Variants in SBF2 observed in about 807,000 individuals in gnomAD.
SBF2 encodes myotubularin-related protein 13.
SBF2 carries 112 observed loss-of-function variants against 225.2 expected under a neutral mutation model. The ratio of observed to expected loss-of-function variants is 0.50; its 90% CI spans 0.43 to 0.58. SBF2 has a LOEUF of 0.58. Ranked by LOEUF, SBF2 falls within the 20% of genes least tolerant of loss-of-function variation. The pLI, the probability that SBF2 is intolerant of heterozygous loss-of-function variation, is 0.00. For missense variants in SBF2, 1,996 were observed against 2,206.2 expected, an observed-to-expected ratio of 0.90 and a Z score of 1.91; for synonymous variants, 763 against 773.3, an observed-to-expected ratio of 0.99 and a Z score of 0.22.
At chr11:10,057,647 T>A (rs1349415061) in intron 2 of SBF2, among the ~76,000 whole-genome samples, 2 of 152,170 alleles carry the variant, frequency 1.3e-5, no homozygotes, top group Non-Finnish European at 2.9e-5. Context: ...CTGCTGCCTC[T>A]AAGCTGAGGA....
intron 16 of SBF2, among the ~76,000 whole-genome samples, chr11:9,900,713 T>C (rs1335928779): frequency 3.3e-5 from 5 of 152,162 alleles, no homozygotes; most frequent in Non-Finnish European, 7.4e-5. Context: ...TGAAACTTTA[T>C]TTATAACAAA....
intron 31 of SBF2, 92 bp from the exon 32 acceptor site, chr11:9,808,277 T>C: frequency 9.0e-7 from 1 of 1,106,768 alleles, no homozygotes; most frequent in Admixed American, 2.0e-5. Context: ...TGATAGCTAA[T>C]TCACAAATTT....
intron 9 of SBF2, among the ~76,000 whole-genome samples, chr11:9,994,592 A>G (rs946245109): frequency 2.7e-5 from 4 of 150,428 alleles, no homozygotes; most frequent in African/African-American, 4.9e-5. Context: ...ATATATATAT[A>G]TGAAAATGAA....
At chr11:10,151,260 C>T (rs942616221) in intron 2 of SBF2, among the ~76,000 whole-genome samples, 7 of 152,290 alleles carry the variant, frequency 4.6e-5, no homozygotes, top group Non-Finnish European at 1.0e-4. Flanking sequence ...AATCCCTTGG[C>T]ATCTCTTTGC....
chr11:9,794,706 A>AAAAAAAAAAAAAC, intron 33 of SBF2, among the ~76,000 whole-genome samples: 1 of 147,110 alleles, frequency 6.8e-6, no homozygotes, highest in East Asian at 1.9e-4. Context: ...AAAAAAAAAA[A>AAAAAAAAAAAAAC]AGACCAGGCC....
intron 28 of SBF2, among the ~76,000 whole-genome samples, chr11:9,823,746 G>A (rs539541894): frequency 6.6e-6 from 1 of 152,258 alleles, no homozygotes; most frequent in African/African-American, 2.4e-5. Flanking sequence ...CAGTTCATTC[G>A]TCCTACTTTG....
chr11:9,983,134 C>T (rs961297201), intron 13 of SBF2, among the ~76,000 whole-genome samples: 6 of 152,228 alleles, frequency 3.9e-5, no homozygotes, highest in Non-Finnish European at 7.3e-5. Flanking sequence ...AGAACTAAAG[C>T]ACTTTTCTTT....
intron 1 of SBF2, among the ~76,000 whole-genome samples, chr11:10,282,770 G>A (rs1169612681): frequency 6.6e-6 from 1 of 152,070 alleles, no homozygotes; most frequent in Non-Finnish European, 1.5e-5. Flanking sequence ...ACATTTCTAT[G>A]TTGTTTCTTG....
At chr11:10,017,052 A>C (rs1442918457) in intron 6 of SBF2, 1 of 152,214 alleles carries the variant, frequency 6.6e-6, no homozygotes, top group African/African-American at 2.4e-5. Flanking sequence ...ATTTCACTAC[A>C]ATGATACATA....
At chr11:9,859,162 T>C (rs1857532367) in intron 17 of SBF2, among the ~76,000 whole-genome samples, 1 of 152,244 alleles carries the variant, frequency 6.6e-6, no homozygotes. Flanking sequence ...ATATTTAAGT[T>C]TGTTTAGTTC....
intron 11 of SBF2, 141 bp from the exon 12 acceptor site, chr11:9,992,684 C>A: frequency 2.5e-6 from 2 of 802,572 alleles, no homozygotes; most frequent in Non-Finnish European, 3.8e-6. Flanking sequence ...ATATTTCTCT[C>A]AAAGAGAGTT....
intron 17 of SBF2, among the ~76,000 whole-genome samples, chr11:9,890,486 A>G (rs1860712785): frequency 6.6e-6 from 1 of 152,230 alleles, no homozygotes; most frequent in Non-Finnish European, 1.5e-5. Context: ...TAACGCTCTT[A>G]TTCTGAAGTA....
At chr11:9,866,526 T>C (rs1046455119) in intron 17 of SBF2, among the ~76,000 whole-genome samples, 2 of 152,224 alleles carry the variant, frequency 1.3e-5, no homozygotes, top group Non-Finnish European at 2.9e-5. Context: ...GATATCCATA[T>C]GCAGGAAAAT....
At chr11:10,161,024 T>C (rs1470526784) in intron 2 of SBF2, among the ~76,000 whole-genome samples, 2 of 151,806 alleles carry the variant, frequency 1.3e-5, no homozygotes, top group African/African-American at 4.8e-5. Flanking sequence ...CCATCTCTAC[T>C]AAAAATACAA....
chr11:10,004,069 T>A (rs943945048), intron 6 of SBF2, among the ~76,000 whole-genome samples: 14 of 152,196 alleles, frequency 9.2e-5, no homozygotes, highest in Non-Finnish European at 2.1e-4. Context: ...TACATCAGAA[T>A]TTTTAGTTCA....
intron 13 of SBF2, among the ~76,000 whole-genome samples, chr11:9,985,944 T>C (rs1206176189): frequency 1.3e-5 from 2 of 152,154 alleles, no homozygotes; most frequent in Non-Finnish European, 2.9e-5. Flanking sequence ...TTAATGGATA[T>C]ATACAGAACA....
At chr11:9,945,094 A>T (rs1246029386) in intron 16 of SBF2, among the ~76,000 whole-genome samples, 1 of 152,136 alleles carries the variant, frequency 6.6e-6, no homozygotes, top group Non-Finnish European at 1.5e-5. Context: ...GACAGAGCCA[A>T]GATTCTATCT....
Position 10,196,862 on chromosome 11 carries a change from A to ATT in SBF2, c.56-2876_56-2875insAA, listed in dbSNP as rs1208099879. Among the ~76,000 whole-genome samples, 390 of 21,984 alleles carry ATT rather than the reference A, an allele frequency of 0.018. 8 individuals are homozygous for ATT. The East Asian group carries it at 0.2, about 11-fold the overall frequency. The allele number at this position is 21,984 out of a possible 152,430, so 14.4% of individuals were successfully genotyped here. A position where few individuals can be genotyped will look rare whatever the true frequency, so the allele number is the denominator to read the frequency against. On this transcript the variant is annotated intron_variant, in intron 1 of 39. Coordinates refer to ENST00000256190, the MANE Select transcript of SBF2 (RefSeq NM_030962.4). ...AATATATATATATATATATATATAT[A>ATT]TATATTTTTTTTTTCCTACAAAATG...
intron 2 of SBF2, among the ~76,000 whole-genome samples, chr11:10,104,088 G>GAA (rs760922615): frequency 7.4e-5 from 9 of 122,042 alleles, no homozygotes; most frequent in Non-Finnish European, 1.1e-4. Flanking sequence ...CCCTGTCTCA[G>GAA]AAAAAAAAAA....
Sources: allele counts gnomAD v4.1 joint callset (sites outside exome capture counted in the v4.1 genomes callset), GRCh38; gene constraint gnomAD v4.1.1; transcripts MANE v1.5; gene names NCBI Gene and HGNC (gene_info 2026-07-23, HGNC 2026-07-21).